The following GPR107 variants were observed in gnomAD, a reference collection of about 807,000 sequenced individuals.
GPR107 encodes the protein protein GPR107.
In GPR107, 31 loss-of-function variants were observed where a neutral mutation model predicts 75.5. That is an observed-to-expected ratio of 0.41 (90% CI 0.31 to 0.55). GPR107 has a LOEUF of 0.55. GPR107 is among the 20% of genes least tolerant of loss of function. The pLI, the probability that GPR107 is intolerant of heterozygous loss-of-function variation, is 0.26. For missense variants in GPR107, 572 were observed against 665.7 expected, an observed-to-expected ratio of 0.86 and a Z score of 1.55; for synonymous variants, 267 against 251.3, an observed-to-expected ratio of 1.06 and a Z score of -0.59.
chr9:130,091,032 C>T (rs565499818), intron 8 of GPR107, 49 bp downstream of exon 8: 27 of 801,674 alleles, frequency 3.4e-5, no homozygotes, highest in African/African-American at 1.5e-4. Flanking sequence ...CAGCATAAAA[C>T]GGGAGATTTG....
chr9:130,077,714 CT>C, intron 4 of GPR107, among the ~76,000 whole-genome samples: 1 of 152,294 alleles, frequency 6.6e-6, no homozygotes, highest in African/African-American at 2.4e-5. Flanking sequence ...AGGGCATAGT[CT>C]ATGCAAAGGC....
intron 7 of GPR107, among the ~76,000 whole-genome samples, chr9:130,087,110 T>C (rs1384272786): frequency 6.6e-6 from 1 of 151,378 alleles, no homozygotes; most frequent in Non-Finnish European, 1.5e-5. Flanking sequence ...TAATCACGGC[T>C]CACTGCAGCC....
intron 14 of GPR107, among the ~76,000 whole-genome samples, chr9:130,119,617 C>A (rs1166024765): frequency 1.3e-5 from 2 of 152,090 alleles, no homozygotes; most frequent in Non-Finnish European, 2.9e-5. Context: ...TCGTGCAGGG[C>A]CCAGACTTTT....
chr9:130,092,091 C>T (rs1029127228), intron 8 of GPR107, among the ~76,000 whole-genome samples, 157 bp from the exon 9 acceptor site: 3 of 152,208 alleles, frequency 2.0e-5, no homozygotes, highest in Admixed American at 6.5e-5. Context: ...CCACCCGCCT[C>T]AGCCTCCCAA....
intron 1 of GPR107, among the ~76,000 whole-genome samples, chr9:130,057,833 A>T (rs936881624): frequency 5.3e-4 from 52 of 98,490 alleles, no homozygotes; most frequent in African/African-American, 9.9e-4. Flanking sequence ...ATTTATTATT[A>T]TTATTTTTTT....
intron 1 of GPR107, among the ~76,000 whole-genome samples, chr9:130,066,134 T>C (rs1272296873): frequency 1.3e-5 from 2 of 151,974 alleles, no homozygotes; most frequent in African/African-American, 4.8e-5. Context: ...ACCCTGTCTC[T>C]ACTAAAAATA....
rs959160149 is a variant in GPR107 at position 130,074,712 on chromosome 9, C to A, written c.142-924C>A. 5.9e-5 allele frequency among the ~76,000 whole-genome samples: 9 copies of A among 152,022 alleles called. No individual in the cohort carries two copies. In the South Asian group the frequency reaches 1.2e-3, roughly 21 times the overall value. On this transcript the variant is annotated intron_variant, in intron 1 of 17. Coordinates refer to ENST00000347136, the MANE Select transcript of GPR107 (RefSeq NM_020960.5). ...GATTCCTCTTGCATAAGGCTTTGTT[C>A]CCTGAAAACCCATCATCTACTGTAT...
At chr9:130,061,022 C>A (rs1257568714) in intron 1 of GPR107, among the ~76,000 whole-genome samples, 6 of 152,176 alleles carry the variant, frequency 3.9e-5, no homozygotes, top group Admixed American at 1.3e-4. Flanking sequence ...TTAAAATCTG[C>A]CAATATACAT....
intron 14 of GPR107, among the ~76,000 whole-genome samples, chr9:130,118,259 C>A (rs1375606266): frequency 6.6e-6 from 1 of 152,170 alleles, no homozygotes; most frequent in African/African-American, 2.4e-5. Context: ...ATGGCAACGA[C>A]CAGTGCTGTT....
rs3739865 is a variant in GPR107, at chr9:130,131,278, A to G, written c.1562+2517A>G. Among the ~76,000 whole-genome samples the G allele has an allele frequency of 1.0e-3, 153 of 152,228 alleles. 4 individuals are homozygous for G. The East Asian group carries it at 0.028, about 28-fold the overall frequency. On this transcript the variant is annotated intron_variant, in intron 17 of 17. Coordinates refer to ENST00000347136, the MANE Select transcript of GPR107 (RefSeq NM_020960.5). Reference sequence around the variant, plus strand: ...GCGGGCGCCCTGTCTGCAGGGGGCTAGCCAGGTTTCCTCACATCGTGGGGG... The same window carrying G: ...GCGGGCGCCCTGTCTGCAGGGGGCTGGCCAGGTTTCCTCACATCGTGGGGG...
intron 1 of GPR107, among the ~76,000 whole-genome samples, chr9:130,060,399 C>A (rs550259482): frequency 7.7e-6 from 1 of 129,066 alleles, no homozygotes; most frequent in African/African-American, 3.0e-5. Flanking sequence ...AATGATAATC[C>A]GAGTTTTTTT....
chr9:130,053,998 G>A lies in GPR107; in HGVS notation c.66G>A (p.Arg22=). Residue 22 remains arginine (R), a synonymous_variant, in exon 1 of 18, where the codon CGG becomes CGA. Transcript: ENST00000347136. Reference sequence around the variant, plus strand: ...GTCCTAGGCTGGCCGCGGGCCTCCGGCTGCTCCCAATGCTGGGTTTGCTGC... The same window carrying A: ...GTCCTAGGCTGGCCGCGGGCCTCCGACTGCTCCCAATGCTGGGTTTGCTGC... The part of the protein sequence containing the change: ...SRGPRLAAGL[R]LLPMLGLLQL... 2 of 1,553,274 alleles carry A rather than the reference G, an allele frequency of 1.3e-6. No homozygotes were observed. The highest frequency in any genetic ancestry group is 1.7e-6 in the Non-Finnish European group (2 of 1,148,972).
At chr9:130,109,203 C>T (rs577880452) in intron 14 of GPR107, among the ~76,000 whole-genome samples, 1 of 151,782 alleles carries the variant, frequency 6.6e-6, no homozygotes, top group Admixed American at 6.6e-5. Context: ...CAGAGCTTTG[C>T]TCTGTCACCC....
intron 1 of GPR107, among the ~76,000 whole-genome samples, chr9:130,055,138 T>A (rs919573079): frequency 6.6e-6 from 1 of 152,094 alleles, no homozygotes; most frequent in African/African-American, 2.4e-5. Flanking sequence ...ACCCAAACTC[T>A]TGTACATTAT....
At position 130,137,185 on chromosome 9, in the gene GPR107, C is replaced by T. The variant is rs1315793379; in HGVS notation, c.*2064C>T. ...CGAAAGGTGTGATGAAACCTCCCTG[C>T]TCGGAAGGGTCTCCGTGGAGGTGTC... On this transcript the variant is annotated 3_prime_UTR_variant, in exon 18 of 18. Transcript: ENST00000347136. 4.6e-5 allele frequency: 7 copies of T among 152,262 alleles called. No homozygotes were observed. Among genetic ancestry groups the T allele is most frequent in the African/African-American group, 1.7e-4 (7 of 41,466 alleles). The allele number at this position is 152,262 out of a possible 1,614,324, so 9.4% of individuals were successfully genotyped here. A position where few individuals can be genotyped will look rare whatever the true frequency, so the allele number is the denominator to read the frequency against.
At chr9:130,080,649 G>A (rs1483900843) in intron 5 of GPR107, among the ~76,000 whole-genome samples, 1 of 151,454 alleles carries the variant, frequency 6.6e-6, no homozygotes, top group African/African-American at 2.4e-5. Context: ...CCGCCACCAT[G>A]CCCGGCTAAT....
intron 9 of GPR107, among the ~76,000 whole-genome samples, chr9:130,098,352 A>C (rs909553292): frequency 6.6e-6 from 1 of 152,178 alleles, no homozygotes; most frequent in Non-Finnish European, 1.5e-5. Context: ...ACCAGCCATG[A>C]AGGAGAGAGA....
intron 1 of GPR107, among the ~76,000 whole-genome samples, chr9:130,060,504 C>T (rs191495713): frequency 1.6e-3 from 237 of 149,888 alleles, no homozygotes; most frequent in Admixed American, 5.3e-3. Flanking sequence ...ACGATAGCCT[C>T]CAACTCCTGG....
chr9:130,056,945 A>AAAAAAAAAAAAG (rs1829806192), intron 1 of GPR107, among the ~76,000 whole-genome samples: 1 of 148,930 alleles, frequency 6.7e-6, no homozygotes, highest in Admixed American at 6.7e-5. Flanking sequence ...AAAAAAAAAA[A>AAAAAAAAAAAAG]AAAAAAGAAA....
Sources: gnomAD v4.1 joint callset for allele counts (sites outside exome capture counted in the v4.1 genomes callset) on GRCh38, gnomAD v4.1.1 for gene constraint, MANE v1.5 for transcripts, NCBI Gene and HGNC (gene_info 2026-07-23, HGNC 2026-07-21) for gene names.